The following CWC27 variants were observed in gnomAD, a reference collection of about 807,000 sequenced individuals.
CWC27 encodes spliceosome-associated protein CWC27 homolog.
A neutral mutation model predicts 63.6 loss-of-function variants in CWC27; 47 were observed. That is an observed-to-expected ratio of 0.74 (90% CI 0.58 to 0.94). The LOEUF (loss-of-function observed/expected upper bound fraction) is 0.94. Among genes scored for constraint, CWC27 ranks in the 40% least tolerant of loss-of-function variants. CWC27 has a pLI of 0.00. For missense variants in CWC27, 495 were observed against 554.3 expected (o/e 0.89, Z 1.07); for synonymous variants, 175 against 179.8 (o/e 0.97, Z 0.22).
At chr5:64,807,008 G>T (rs775490296) in intron 10 of CWC27, among the ~76,000 whole-genome samples, 21 of 152,132 alleles carry the variant, frequency 1.4e-4, no homozygotes, top group Admixed American at 2.0e-4. Context: ...GAAAGTCACT[G>T]CTCAGTTTGA....
chr5:64,998,468 CTG>C (rs1459768093), intron 13 of CWC27, among the ~76,000 whole-genome samples: 2 of 152,142 alleles, frequency 1.3e-5, no homozygotes, highest in Admixed American at 6.6e-5. Flanking sequence ...AGCTGAGAAA[CTG>C]TGCATTCCCC....
At chr5:64,929,393 G>T (rs1748189718) in intron 11 of CWC27, among the ~76,000 whole-genome samples, 1 of 152,086 alleles carries the variant, frequency 6.6e-6, no homozygotes, top group African/African-American at 2.4e-5. Context: ...GCGGAAGAGT[G>T]CTCCTGAAAA....
intron 11 of CWC27, among the ~76,000 whole-genome samples, chr5:64,938,176 G>A (rs112555464): frequency 2.6e-5 from 4 of 152,250 alleles, no homozygotes; most frequent in South Asian, 2.1e-4. Context: ...TTGCCCATTA[G>A]TTGATGCGGT....
chr5:64,775,968 A>C (rs1016120420), intron 2 of CWC27, among the ~76,000 whole-genome samples: 3 of 151,946 alleles, frequency 2.0e-5, no homozygotes, highest in African/African-American at 4.8e-5. Context: ...GTATGATGAG[A>C]TCTCTCTAAA....
chr5:64,827,517 G>A (rs1215714475), intron 10 of CWC27, among the ~76,000 whole-genome samples: 1 of 152,122 alleles, frequency 6.6e-6, no homozygotes, highest in African/African-American at 2.4e-5. Context: ...ACACATCCAG[G>A]TTGGAATACC....
At chr5:64,842,653 G>A (rs2112283379) in intron 10 of CWC27, among the ~76,000 whole-genome samples, 1 of 150,966 alleles carries the variant, frequency 6.6e-6, no homozygotes, top group East Asian at 2.0e-4. Context: ...AGGCTGGAGT[G>A]CAGTGGCATG....
chr5:64,800,774 G>C (rs1165251939), intron 8 of CWC27, among the ~76,000 whole-genome samples: 1 of 152,142 alleles, frequency 6.6e-6, no homozygotes, highest in Admixed American at 6.5e-5. Context: ...GGAGTTAACA[G>C]AAAGTTGTCT....
chr5:64,831,939 C>T (rs970866976), intron 10 of CWC27, among the ~76,000 whole-genome samples: 2 of 151,806 alleles, frequency 1.3e-5, no homozygotes, highest in Non-Finnish European at 2.9e-5. Context: ...CTGTAGAAGG[C>T]AAATCTGGCT....
chr5:64,798,120 A>T (rs1744344698), intron 7 of CWC27, among the ~76,000 whole-genome samples: 1 of 152,176 alleles, frequency 6.6e-6, no homozygotes, highest in African/African-American at 2.4e-5. Flanking sequence ...TGAACAAAAG[A>T]TGTTCAGGCT....
intron 10 of CWC27, among the ~76,000 whole-genome samples, chr5:64,864,869 A>C (rs1165947409): frequency 6.6e-6 from 1 of 152,104 alleles, no homozygotes; most frequent in Non-Finnish European, 1.5e-5. Context: ...CATATCCATC[A>C]CCTCATATCC....
intron 1 of CWC27, among the ~76,000 whole-genome samples, chr5:64,770,369 T>C (rs1743207179): frequency 6.6e-6 from 1 of 152,214 alleles, no homozygotes; most frequent in South Asian, 2.1e-4. Flanking sequence ...CAAATGTTTC[T>C]TGAGGGCAAT....
chr5:64,973,771 G>A (rs925029059), intron 12 of CWC27, among the ~76,000 whole-genome samples: 1 of 152,088 alleles, frequency 6.6e-6, no homozygotes, highest in South Asian at 2.1e-4. Flanking sequence ...CTCATTAATT[G>A]GCTTAAAAAC....
chr5:64,953,160 G>T lies in CWC27; in HGVS notation c.1043-18543G>T, dbSNP rs12655075. ...TGGTATGTATCTTGTGAAAATGCTT[G>T]GCAGACTATTAAGAAAGAATCCAGT... On this transcript the variant is annotated intron_variant, in intron 11 of 13. Coordinates refer to ENST00000381070, the MANE Select transcript of CWC27 (RefSeq NM_005869.4). 1.6e-4 allele frequency among the ~76,000 whole-genome samples: 25 copies of T among 152,150 alleles called. No individual in the cohort carries two copies. The East Asian group carries it at 3.1e-3, about 19-fold the overall frequency.
chr5:64,812,735 C>T (rs1377532383), intron 10 of CWC27, among the ~76,000 whole-genome samples: 1 of 151,988 alleles, frequency 6.6e-6, no homozygotes, highest in Non-Finnish European at 1.5e-5. Flanking sequence ...AGAACTGGTG[C>T]GTGCCAGGAA....
chr5:64,839,075 C>T (rs192657216), intron 10 of CWC27, among the ~76,000 whole-genome samples: 2 of 152,194 alleles, frequency 1.3e-5, no homozygotes, highest in African/African-American at 2.4e-5. Context: ...TAATGGAATC[C>T]TTTTTGTGAA....
intron 13 of CWC27, among the ~76,000 whole-genome samples, chr5:64,987,603 A>G (rs1308586784): frequency 6.6e-6 from 1 of 152,206 alleles, no homozygotes; most frequent in Non-Finnish European, 1.5e-5. Flanking sequence ...ACTTCCTTGA[A>G]TGATGATTTT....
chr5:64,966,214 C>T (rs902842926), intron 11 of CWC27, among the ~76,000 whole-genome samples: 3 of 151,962 alleles, frequency 2.0e-5, no homozygotes, highest in East Asian at 3.9e-4. Flanking sequence ...TTCCCTTTTC[C>T]CTCCATCAAT....
chr5:64,941,966 T>C (rs1580740113), intron 11 of CWC27, among the ~76,000 whole-genome samples: 1 of 151,930 alleles, frequency 6.6e-6, no homozygotes, highest in South Asian at 2.1e-4. Flanking sequence ...AATTATAGAC[T>C]TCTTGGCATG....
chr5:64,974,636 G>A (rs182746787), intron 12 of CWC27, among the ~76,000 whole-genome samples: 24 of 152,200 alleles, frequency 1.6e-4, no homozygotes, highest in Admixed American at 1.6e-3. Context: ...ATATCATATA[G>A]ATTAAATAGA....
Sources: allele counts gnomAD v4.1 joint callset (sites outside exome capture counted in the v4.1 genomes callset), GRCh38; gene constraint gnomAD v4.1.1; transcripts MANE v1.5; gene names NCBI Gene and HGNC (gene_info 2026-07-23, HGNC 2026-07-21).